The following KCP variants were observed in gnomAD, a reference collection of about 807,000 sequenced individuals.
The protein encoded by KCP is kielin cysteine rich BMP regulator.
In KCP, 194 loss-of-function variants were observed where a neutral mutation model predicts 212.7. The observed-to-expected ratio is 0.91, with a 90% CI of 0.81 to 1.03. The LOEUF is 1.03. KCP is among the 50% of genes least tolerant of loss of function. The pLI is 0.00. For missense variants in KCP, 2,080 were observed against 2,162.5 expected (o/e 0.96, Z 0.76); for synonymous variants, 833 against 865.3 (o/e 0.96, Z 0.65).
rs1162202721 is a variant in KCP at position 128,891,291 on chromosome 7, A to G, written c.1879-13T>C. On this transcript the variant is annotated splice_polypyrimidine_tract_variant and intron_variant, in intron 18 of 39. Transcript: ENST00000610776. ...GCACGTTGCCGCTCTACGGACCGAC[A>G]GACGCACCACGGGTCAGTGGGTTAG... 3 of 1,547,572 alleles carry G rather than the reference A, an allele frequency of 1.9e-6. No individual in the cohort carries two copies. The highest frequency in any genetic ancestry group is 2.0e-5 in the Admixed American group (1 of 50,982).
intron 2 of KCP, among the ~76,000 whole-genome samples, 198 bp downstream of exon 2, chr7:128,908,228 G>T (rs183335273): frequency 1.7e-5 from 2 of 115,922 alleles, no homozygotes; most frequent in Non-Finnish European, 1.7e-5. Context: ...AGGAGGGAAG[G>T]AAAGAAGAAA....
chr7:128,889,958 T>G, intron 21 of KCP: 1 of 141,644 alleles, frequency 7.1e-6, no homozygotes, highest in Non-Finnish European at 1.5e-5. Context: ...AGACAAGGTC[T>G]CACTCTGTCA....
intron 8 of KCP, among the ~76,000 whole-genome samples, chr7:128,899,523 A>G (rs1794716702): frequency 6.6e-6 from 1 of 152,194 alleles, no homozygotes; most frequent in Admixed American, 6.5e-5. Flanking sequence ...GGACTCTGAC[A>G]TTATCTATTT....
At chr7:128,908,797 TGA>T (rs1266457019) in intron 1 of KCP, among the ~76,000 whole-genome samples, 1 of 152,180 alleles carries the variant, frequency 6.6e-6, no homozygotes, top group Non-Finnish European at 1.5e-5. Context: ...GGGGTCTGGC[TGA>T]GAGTCTTTTC....
Position 128,877,808 on chromosome 7 carries a change from C to A in KCP, c.4312-18G>T, listed in dbSNP as rs1421228266. On this transcript the variant is annotated intron_variant, in intron 38 of 39. Coordinates refer to ENST00000610776, the MANE Select transcript of KCP (RefSeq NM_001366122.1). Reference sequence around the variant, plus strand: ...TCTGAGACCTGGGTGGGGAGAGCAGCCCTGACGTGACAGCACCACTGGCAG... The same window carrying A: ...TCTGAGACCTGGGTGGGGAGAGCAGACCTGACGTGACAGCACCACTGGCAG... 2.0e-6 allele frequency: 3 copies of A among 1,532,728 alleles called. No individual in the cohort carries two copies. The Admixed American group carries it at 6.0e-5, about 30-fold the overall frequency. 94.9% of individuals were successfully genotyped at this position (1,532,728 alleles called of 1,614,324 possible).
At chr7:128,877,435 T>G in intron 39 of KCP, 49 bp downstream of exon 39, 1 of 1,542,476 alleles carries the variant, frequency 6.5e-7, no homozygotes, top group Non-Finnish European at 8.8e-7. Context: ...GCTGCCCTTC[T>G]TCTCTGTGCT....
chr7:128,884,186 G>A, intron 28 of KCP, 64 bp from the exon 29 acceptor site: 2 of 1,495,990 alleles, frequency 1.3e-6, no homozygotes, highest in Non-Finnish European at 1.8e-6. Flanking sequence ...CCCTTGGCCG[G>A]GACTTCCGGC....
intron 8 of KCP, among the ~76,000 whole-genome samples, chr7:128,898,411 G>A (rs1794651681): frequency 1.3e-5 from 2 of 152,196 alleles, no homozygotes; most frequent in South Asian, 2.1e-4. Context: ...TAAGGCCTGG[G>A]ACATGTGGAG....
chr7:128,894,127 C>T (rs1395346883), intron 9 of KCP, 72 bp from the exon 10 acceptor site: 29 of 1,513,020 alleles, frequency 1.9e-5, no homozygotes, highest in Non-Finnish European at 2.4e-5. Context: ...CATGGGCCCC[C>T]GAGCAGGGCC....
chr7:128,884,706 T>G, intron 28 of KCP, 75 bp downstream of exon 28: 1 of 1,352,714 alleles, frequency 7.4e-7, no homozygotes, highest in South Asian at 1.3e-5. Flanking sequence ...GTGACCAGCT[T>G]GGCTGGGCCT....
intron 8 of KCP, among the ~76,000 whole-genome samples, chr7:128,896,040 C>T (rs1327996477): frequency 6.6e-6 from 1 of 152,144 alleles, no homozygotes. Flanking sequence ...GATCAGGACT[C>T]CTTTCCTGTA....
intron 39 of KCP, 44 bp downstream of exon 39, chr7:128,877,440 T>C: frequency 1.9e-6 from 3 of 1,544,874 alleles, no homozygotes; most frequent in Non-Finnish European, 2.6e-6. Flanking sequence ...CCTTCTTCTC[T>C]GTGCTGAGCC....
rs1795173510 is a variant in KCP at position 128,907,295 on chromosome 7, A to G, written c.378T>C (p.Cys126=). ...ACVCQDGAAH[C]GPQAHLPHCR... is the part of the protein sequence containing the mutation. ...AATGGGGCAGGTGTGCTTGGGGGCCACAGTGAGCGGCCCCATCCTGGCAGA... is the reference window on the plus strand; with the variant it reads ...AATGGGGCAGGTGTGCTTGGGGGCCGCAGTGAGCGGCCCCATCCTGGCAGA... Residue 126 remains cysteine (C), a synonymous_variant, in exon 3 of 40, where the codon TGT becomes TGC. Transcript: ENST00000610776. 6.5e-7 allele frequency: 1 copy of G among 1,537,712 alleles called. No individual in the cohort carries two copies. The highest frequency in any genetic ancestry group is 8.8e-7 in the Non-Finnish European group (1 of 1,136,058).
chr7:128,906,757 G>A (rs539279275), intron 4 of KCP, among the ~76,000 whole-genome samples: 2 of 151,974 alleles, frequency 1.3e-5, no homozygotes, highest in South Asian at 4.2e-4. Context: ...AGTGGGAGGT[G>A]ATATAGGAGG....
At chr7:128,880,140 G>T (rs925257353) in intron 34 of KCP, 55 bp from the exon 35 acceptor site, 1 of 1,459,176 alleles carries the variant, frequency 6.9e-7, no homozygotes, top group Non-Finnish European at 9.1e-7. Flanking sequence ...CATGCCTCTC[G>T]CAGACCCTCC....
Position 128,880,473 on chromosome 7 carries a change from C to A in KCP, c.3672G>T (p.Trp1224Cys), listed in dbSNP as rs1365540919. ...AGCAGCTGGTGCAGGTGTCCACAGT[C>A]CAGCGCTCTCCAGAGGCCACCTCAC... Reference protein sequence around the residue: ...QGREVASGERWTVDTCTSCSC... With the variant: ...QGREVASGERCTVDTCTSCSC... Residue 1224 changes from tryptophan to cysteine, a missense_variant, in exon 34 of 40, where the codon TGG becomes TGT. Physicochemically the swap from Trp to Cys is radical, Grantham distance 215 (BLOSUM62 -2). Coordinates refer to ENST00000610776, the MANE Select transcript of KCP (RefSeq NM_001366122.1). The A allele has an allele frequency of 1.9e-6, 3 of 1,541,720 alleles. No individual in the cohort carries two copies.
chr7:128,876,992 G>A lies in KCP; in HGVS notation c.*51C>T, dbSNP rs758579889. ...GCCCTAACCAGGGTGGGAACTGCTC[G>A]CCAAGGGGAGACTCCTGGCCTGATG... is the stretch of plus-strand genomic sequence containing the variant. On this transcript the variant is annotated 3_prime_UTR_variant, in exon 40 of 40. Transcript: ENST00000610776. The A allele has an allele frequency of 2.8e-5, 42 of 1,522,118 alleles. No homozygotes were observed. The highest frequency in any genetic ancestry group is 5.0e-5 in the East Asian group (2 of 40,058). 94.3% of individuals were successfully genotyped at this position (1,522,118 alleles called of 1,614,324 possible). A position where few individuals can be genotyped will look rare whatever the true frequency, so the allele number is the denominator to read the frequency against.
At position 128,881,955 on chromosome 7, in the gene KCP, G is replaced by C. The variant is rs1423972086; in HGVS notation, c.3306C>G (p.Cys1102Trp). The C allele has an allele frequency of 6.4e-7, 1 of 1,551,310 alleles. No individual in the cohort carries two copies. The highest frequency in any genetic ancestry group is 1.4e-5 in the African/African-American group (1 of 73,040). Residue 1102 changes from cysteine (C) to tryptophan (W), a missense_variant, in exon 30 of 40, where the codon TGC (cysteine) becomes TGG (tryptophan). Cys to Trp is a radical substitution (Grantham distance 215, BLOSUM62 -2). Transcript: ENST00000610776. ...GGCTCACCTGGCACTGGCACGTGTA[G>C]CAGGGGTCTGGTGGGGCTAGCTCAG... is the stretch of plus-strand genomic sequence containing the variant. ...LGSELAPPDP[C>W]YTCQCQDLTW...
intron 2 of KCP, among the ~76,000 whole-genome samples, 166 bp downstream of exon 2, chr7:128,908,260 A>AAGAAAGAAAGAAAGAAAG (rs1795248168): frequency 9.2e-6 from 1 of 109,154 alleles, no homozygotes. Context: ...AGAAGAAAGA[A>AAGAAAGAAAGAAAGAAAG]AGAAAGAAAG....
Sources: gnomAD v4.1 joint callset for allele counts (sites outside exome capture counted in the v4.1 genomes callset) on GRCh38, gnomAD v4.1.1 for gene constraint, MANE v1.5 for transcripts, NCBI Gene and HGNC (gene_info 2026-07-23, HGNC 2026-07-21) for gene names.